Variants in CBFB observed in about 807,000 individuals in gnomAD.
The protein encoded by CBFB is CBF-beta.
Under a neutral mutation model 30.4 loss-of-function variants are expected in CBFB, and 9 were observed. The ratio of observed to expected loss-of-function variants is 0.30; its 90% CI spans 0.18 to 0.52. The LOEUF (loss-of-function observed/expected upper bound fraction) is 0.52. Among genes scored for constraint, CBFB ranks in the 20% least tolerant of loss-of-function variants. The probability of loss-of-function intolerance (pLI) is 0.97; values close to 1 mark genes in which losing one functional copy is unlikely to be tolerated. For missense variants in CBFB, 170 were observed against 244.0 expected (o/e 0.70, Z 2.02); for synonymous variants, 94 against 84.0 (o/e 1.12, Z -0.65).
chr16:67,042,886 C>A (rs1265968035), intron 3 of CBFB, among the ~76,000 whole-genome samples: 3 of 152,166 alleles, frequency 2.0e-5, no homozygotes, highest in Non-Finnish European at 2.9e-5. Context: ...CAGGCACATG[C>A]CACCACATGT....
intron 4 of CBFB, among the ~76,000 whole-genome samples, chr16:67,075,360 A>T (rs773649185): frequency 1.1e-4 from 17 of 152,194 alleles, no homozygotes; most frequent in Non-Finnish European, 5.9e-5. Context: ...AAAAGGATTC[A>T]GCTTTCTTGG....
At chr16:67,085,892 A>C (rs1205287243) in intron 5 of CBFB, among the ~76,000 whole-genome samples, 1 of 151,498 alleles carries the variant, frequency 6.6e-6, no homozygotes, top group Non-Finnish European at 1.5e-5. Context: ...GTTAGCCAGG[A>C]TGGTCTCGAT....
intron 3 of CBFB, among the ~76,000 whole-genome samples, chr16:67,064,286 A>C (rs1960992659): frequency 6.6e-6 from 1 of 152,198 alleles, no homozygotes. Context: ...AGTTTACTGC[A>C]ACCTCTGCCT....
chr16:67,061,584 G>T (rs1449153122), intron 3 of CBFB, among the ~76,000 whole-genome samples: 3 of 152,042 alleles, frequency 2.0e-5, no homozygotes, highest in Non-Finnish European at 4.4e-5. Flanking sequence ...TTGAAGTTTG[G>T]TATTCATGAA....
At chr16:67,037,394 A>T (rs923224474) in intron 3 of CBFB, among the ~76,000 whole-genome samples, 5 of 152,206 alleles carry the variant, frequency 3.3e-5, no homozygotes, top group Non-Finnish European at 5.9e-5. Context: ...AGGAAAACGG[A>T]AAAAAGCTCT....
At chr16:67,078,565 A>G (rs1311322993) in intron 4 of CBFB, among the ~76,000 whole-genome samples, 2 of 152,158 alleles carry the variant, frequency 1.3e-5, no homozygotes, top group Non-Finnish European at 2.9e-5. Context: ...GAGTAAAGAA[A>G]AGATCAAAAC....
rs371255528 is a variant in CBFB at position 67,073,878 on chromosome 16, T to C, written c.399+7080T>C. ...TGGTGAAACCCGTCTCAACCAAAAC[T>C]ACAAAAATTAGCCGGGCATGGTGGA... On this transcript the variant is annotated intron_variant, in intron 4 of 5. Transcript: ENST00000412916. 1.1e-3 allele frequency among the ~76,000 whole-genome samples: 174 copies of C among 151,672 alleles called. 4 individuals carry two copies. In the South Asian group the frequency reaches 0.034, roughly 30 times the overall value.
At chr16:67,044,029 G>A (rs982770476) in intron 3 of CBFB, among the ~76,000 whole-genome samples, 1 of 152,200 alleles carries the variant, frequency 6.6e-6, no homozygotes, top group African/African-American at 2.4e-5. Context: ...TTAAAATTGT[G>A]TAGACCAGGC....
intron 5 of CBFB, among the ~76,000 whole-genome samples, chr16:67,096,548 G>A (rs1185569443): frequency 2.0e-5 from 3 of 151,946 alleles, no homozygotes; most frequent in African/African-American, 7.2e-5. Context: ...ACTCCAAAGT[G>A]AATCTTGAAA....
At chr16:67,029,511 G>C in intron 1 of CBFB, 26 bp downstream of exon 1, 1 of 1,572,066 alleles carries the variant, frequency 6.4e-7, no homozygotes, top group Non-Finnish European at 8.6e-7. Flanking sequence ...GGGCGGCTAG[G>C]AGGCCGCAGC....
At chr16:67,092,176 G>T (rs1207725828) in intron 5 of CBFB, among the ~76,000 whole-genome samples, 2 of 152,018 alleles carry the variant, frequency 1.3e-5, no homozygotes, top group Non-Finnish European at 2.9e-5. Flanking sequence ...GTGTGAGCAT[G>T]CAGTGTTTGG....
At chr16:67,029,983 C>T (rs1005178929) in intron 2 of CBFB, 170 bp downstream of exon 2, 3 of 481,670 alleles carry the variant, frequency 6.2e-6, no homozygotes, top group Non-Finnish European at 1.1e-5. Context: ...CGGGCCGGTA[C>T]TCGCGGGGAG....
chr16:67,046,255 C>G (rs1403694412), intron 3 of CBFB, among the ~76,000 whole-genome samples: 1 of 152,048 alleles, frequency 6.6e-6, no homozygotes, highest in South Asian at 2.1e-4. Flanking sequence ...CACAGGCACG[C>G]GCCACCATGC....
intron 3 of CBFB, among the ~76,000 whole-genome samples, chr16:67,039,615 C>G (rs116014753): frequency 6.6e-6 from 1 of 151,854 alleles, no homozygotes; most frequent in Admixed American, 6.6e-5. Flanking sequence ...TAAAGCAATA[C>G]ATGAATGTAT....
intron 4 of CBFB, among the ~76,000 whole-genome samples, chr16:67,069,369 C>CAA (rs770641806): frequency 7.3e-5 from 9 of 123,846 alleles, no homozygotes; most frequent in African/African-American, 1.8e-4. Context: ...GACTTCATCT[C>CAA]AAAAAAAAAA....
chr16:67,087,191 G>C (rs1237416481), intron 5 of CBFB, among the ~76,000 whole-genome samples: 1 of 152,118 alleles, frequency 6.6e-6, no homozygotes, highest in African/African-American at 2.4e-5. Context: ...TTAACTATTT[G>C]ACAATTAATG....
chr16:67,097,545 CAAAAAA>C, intron 5 of CBFB, among the ~76,000 whole-genome samples: 1 of 48,908 alleles, frequency 2.0e-5, no homozygotes, highest in African/African-American at 7.5e-5. Context: ...AACTCCGTCT[CAAAAAA>C]AAAAAAAAAA....
chr16:67,038,722 A>G (rs1220999483), intron 3 of CBFB, among the ~76,000 whole-genome samples: 1 of 151,970 alleles, frequency 6.6e-6, no homozygotes, highest in African/African-American at 2.4e-5. Context: ...TCTTGTTTGA[A>G]TACTTCCTTA....
intron 3 of CBFB, among the ~76,000 whole-genome samples, chr16:67,046,175 TGGCTTA>T (rs1344103520): frequency 3.9e-5 from 6 of 151,986 alleles, no homozygotes; most frequent in Non-Finnish European, 8.8e-5. Flanking sequence ...GGTGTGATCT[TGGCTTA>T]CTGCAACCTC....
Sources: allele counts gnomAD v4.1 joint callset (sites outside exome capture counted in the v4.1 genomes callset), GRCh38; gene constraint gnomAD v4.1.1; transcripts MANE v1.5; gene names NCBI Gene and HGNC (gene_info 2026-07-23, HGNC 2026-07-21).